The following GRAMD1C variants were observed in gnomAD, a reference collection of about 807,000 sequenced individuals.
The protein encoded by GRAMD1C is protein Aster-C.
GRAMD1C carries 89 observed loss-of-function variants against 97.8 expected under a neutral mutation model. The ratio of observed to expected loss-of-function variants is 0.91; its 90% CI spans 0.77 to 1.09. GRAMD1C has a LOEUF of 1.09. Ranked by LOEUF, GRAMD1C falls within the 50% of genes least tolerant of loss-of-function variation. The probability of loss-of-function intolerance (pLI) is 0.00; values close to 1 mark genes in which losing one functional copy is unlikely to be tolerated. For synonymous variants in GRAMD1C, 256 were observed against 267.0 expected (o/e 0.96, Z 0.40); for missense variants, 740 against 766.4 (o/e 0.97, Z 0.41).
chr3:113,863,961 C>T (rs1412367203), intron 2 of GRAMD1C, among the ~76,000 whole-genome samples: 1 of 152,180 alleles, frequency 6.6e-6, no homozygotes, highest in Non-Finnish European at 1.5e-5. Context: ...CTTTCATGCT[C>T]TACCACATGG....
chr3:113,844,811 T>C (rs1933539375), intron 2 of GRAMD1C, 162 bp downstream of exon 2: 4 of 555,808 alleles, frequency 7.2e-6, no homozygotes, highest in Non-Finnish European at 9.4e-6. Context: ...TATTCTCTCC[T>C]TTGACCACTA....
chr3:113,901,012 A>T lies in GRAMD1C; in HGVS notation c.541-19A>T. 2 of 1,221,738 alleles carry T rather than the reference A, an allele frequency of 1.6e-6. No homozygotes were observed. Among genetic ancestry groups the T allele is most frequent in the Admixed American group, 1.7e-5 (1 of 58,010 alleles). 75.7% of individuals were successfully genotyped at this position (1,221,738 alleles called of 1,614,324 possible). ...TTTTATATTTTCCAATGCTCAGTGTAATTTTTCTGTCACTTTAGAGCCTGA... is the reference window on the plus strand; with the variant it reads ...TTTTATATTTTCCAATGCTCAGTGTTATTTTTCTGTCACTTTAGAGCCTGA... On this transcript the variant is annotated intron_variant, in intron 6 of 17. Coordinates refer to ENST00000358160, the MANE Select transcript of GRAMD1C (RefSeq NM_017577.5).
At chr3:113,905,744 G>A (rs1177998580) in intron 8 of GRAMD1C, among the ~76,000 whole-genome samples, 1 of 151,582 alleles carries the variant, frequency 6.6e-6, no homozygotes, top group Non-Finnish European at 1.5e-5. Flanking sequence ...TGCCCAGGCT[G>A]GAGTGCAGTG....
intron 2 of GRAMD1C, among the ~76,000 whole-genome samples, chr3:113,866,458 C>T (rs7645274): frequency 1.3e-5 from 2 of 151,998 alleles, no homozygotes; most frequent in African/African-American, 4.8e-5. Context: ...CTCTTGTAGA[C>T]AAAATATAGT....
At chr3:113,890,280 C>G (rs1935666034) in intron 6 of GRAMD1C, among the ~76,000 whole-genome samples, 1 of 152,174 alleles carries the variant, frequency 6.6e-6, no homozygotes, top group Non-Finnish European at 1.5e-5. Flanking sequence ...AGCCCCAAGT[C>G]CAAGCCCCTG....
chr3:113,934,360 C>T (rs1937537123), intron 12 of GRAMD1C, 72 bp from the exon 13 acceptor site: 2 of 740,058 alleles, frequency 2.7e-6, no homozygotes, highest in South Asian at 1.7e-5. Context: ...TACAATCTTA[C>T]ATTTAACTGT....
rs71144097 is a variant in GRAMD1C, at chr3:113,917,856, CTTTTTTTTTTTTTT to C, written c.1090+2030_1090+2043del. Among the ~76,000 whole-genome samples the C allele has an allele frequency of 6.2e-3, 261 of 41,960 alleles. 2 individuals carry two copies. The highest frequency in any genetic ancestry group is 0.026 in the African/African-American group (249 of 9,616). 27.5% of individuals were successfully genotyped at this position (41,960 alleles called of 152,430 possible). Reference sequence around the variant, plus strand: ...TACAGGCGTGCACCACCATGCTTGGCTTTTTTTTTTTTTTTTTTTTTTTTTGGTAGAGACAGGGT... The same window carrying C: ...TACAGGCGTGCACCACCATGCTTGGCTTTTTTTTTTTGGTAGAGACAGGGT... On this transcript the variant is annotated intron_variant, in intron 10 of 17. Coordinates refer to ENST00000358160, the MANE Select transcript of GRAMD1C (RefSeq NM_017577.5).
intron 11 of GRAMD1C, among the ~76,000 whole-genome samples, chr3:113,933,172 A>G (rs1195478096): frequency 6.6e-6 from 1 of 152,196 alleles, no homozygotes; most frequent in Non-Finnish European, 1.5e-5. Context: ...GGCGTGAGCC[A>G]CTGCGTCTGG....
At chr3:113,911,747 T>A (rs889509135) in intron 9 of GRAMD1C, among the ~76,000 whole-genome samples, 1 of 74,352 alleles carries the variant, frequency 1.3e-5, no homozygotes. Flanking sequence ...CTTTCTTTCC[T>A]GACAGAGTCT....
Position 113,934,496 on chromosome 3 carries a change from A to G in GRAMD1C, c.1417A>G (p.Asn473Asp). Reference sequence around the variant, plus strand: ...CCTTGTCAAATCTTTAATTGAAAAGAATTCCTGGAGTTCTTTGGAGGACTA... The same window carrying G: ...CCTTGTCAAATCTTTAATTGAAAAGGATTCCTGGAGTTCTTTGGAGGACTA... ...WGLVKSLIEK[N>D]SWSSLEDYFK... Residue 473 changes from asparagine to aspartate, a missense_variant, in exon 13 of 18, where the codon AAT becomes GAT. Asn to Asp is a conservative substitution (Grantham distance 23). Transcript: ENST00000358160. 3 of 1,588,898 alleles carry G rather than the reference A, an allele frequency of 1.9e-6. No individual in the cohort carries two copies. The highest frequency in any genetic ancestry group is 1.3e-5 in the African/African-American group (1 of 74,086).
At chr3:113,889,149 G>A (rs972600233) in intron 6 of GRAMD1C, among the ~76,000 whole-genome samples, 4 of 151,938 alleles carry the variant, frequency 2.6e-5, no homozygotes, top group African/African-American at 9.7e-5. Context: ...GCAGTGAGCC[G>A]AAATCGCGCT....
At chr3:113,828,586 A>G (rs528196807) in intron 1 of GRAMD1C, among the ~76,000 whole-genome samples, 4 of 152,146 alleles carry the variant, frequency 2.6e-5, no homozygotes, top group Admixed American at 6.5e-5. Flanking sequence ...CTAACACTCT[A>G]TCTTTGAATT....
At chr3:113,847,508 G>A (rs939694923) in intron 2 of GRAMD1C, among the ~76,000 whole-genome samples, 4 of 152,220 alleles carry the variant, frequency 2.6e-5, no homozygotes, top group Non-Finnish European at 5.9e-5. Context: ...GTAGTTGGTA[G>A]AAATGGTGTT....
At chr3:113,910,708 G>C (rs930639281) in intron 9 of GRAMD1C, among the ~76,000 whole-genome samples, 1 of 152,068 alleles carries the variant, frequency 6.6e-6, no homozygotes, top group Non-Finnish European at 1.5e-5. Context: ...CAAAGTCAAC[G>C]GATGTGGGTA....
chr3:113,940,454 C>T lies in GRAMD1C; in HGVS notation c.1908+109C>T, dbSNP rs193214141. 2.5e-3 allele frequency: 1,588 copies of T among 638,042 alleles called. 23 individuals are homozygous for T. The Middle Eastern group carries it at 0.053, about 21-fold the overall frequency. The allele number at this position is 638,042 out of a possible 1,614,324, so 39.5% of individuals were successfully genotyped here. ...CCCTACTATCGTTTGAAAAAATCCC[C>T]CTGCTAGAGCCAACTACCCCTGCCA... On this transcript the variant is annotated intron_variant, in intron 17 of 17. Coordinates refer to ENST00000358160, the MANE Select transcript of GRAMD1C (RefSeq NM_017577.5).
At position 113,940,225 on chromosome 3, in the gene GRAMD1C, G is replaced by A; in HGVS notation, c.1803-15G>A. 1 of 1,381,744 alleles carries A rather than the reference G, an allele frequency of 7.2e-7. No homozygotes were observed. 85.6% of individuals were successfully genotyped at this position (1,381,744 alleles called of 1,614,324 possible). A position where few individuals can be genotyped will look rare whatever the true frequency, so the allele number is the denominator to read the frequency against. ...AGCTATTCTCCAGATTTTGAAGATG[G>A]CATTTTTCTTTCAGTTTAGCCTCTG... On this transcript the variant is annotated splice_polypyrimidine_tract_variant and intron_variant, in intron 16 of 17. Coordinates refer to ENST00000358160, the MANE Select transcript of GRAMD1C (RefSeq NM_017577.5).
chr3:113,935,487 AAT>A (rs10554842), intron 13 of GRAMD1C, among the ~76,000 whole-genome samples: 48,464 of 149,892 alleles, frequency 0.32, 8,103 homozygotes, highest in Middle Eastern at 0.43. Context: ...ACATGCGAGA[AAT>A]ATATATATAT....
intron 2 of GRAMD1C, chr3:113,850,563 T>A: frequency 6.2e-7 from 1 of 1,603,650 alleles, no homozygotes; most frequent in Non-Finnish European, 8.5e-7. Context: ...TTCCTTCACG[T>A]AGCCTCAGGA....
At chr3:113,828,458 A>G (rs562905560) in intron 1 of GRAMD1C, among the ~76,000 whole-genome samples, 2 of 152,212 alleles carry the variant, frequency 1.3e-5, no homozygotes, top group Non-Finnish European at 2.9e-5. Context: ...GTTTTCAGCC[A>G]CTAAGGTTTT....
Sources: allele counts gnomAD v4.1 joint callset (sites outside exome capture counted in the v4.1 genomes callset), GRCh38; gene constraint gnomAD v4.1.1; transcripts MANE v1.5; gene names NCBI Gene and HGNC (gene_info 2026-07-23, HGNC 2026-07-21).